ITSN2: variants seen among roughly 807,000 people sequenced by gnomAD.
ITSN2 encodes intersectin 2, also known as intersectin-2.
In ITSN2, 156 loss-of-function variants were observed where a neutral mutation model predicts 243.7. That is an observed-to-expected ratio of 0.64 (90% CI 0.56 to 0.73). ITSN2 has a LOEUF of 0.73. Among genes scored for constraint, ITSN2 ranks in the 30% least tolerant of loss-of-function variants. The pLI is 0.00. For synonymous variants in ITSN2, 703 were observed against 699.9 expected, an observed-to-expected ratio of 1.00 and a Z score of -0.07; for missense variants, 1,801 against 1,996.1, an observed-to-expected ratio of 0.90 and a Z score of 1.86.
At chr2:24,220,639 C>A in intron 30 of ITSN2, 1 of 1,239,376 alleles carries the variant, frequency 8.1e-7, no homozygotes, top group Non-Finnish European at 1.0e-6. Flanking sequence ...TATCCCCGTC[C>A]TTCCTTGATG....
rs533095403 is a variant in ITSN2 at position 24,264,444 on chromosome 2, G to A, written c.2356-2702C>T. 4.0e-5 allele frequency among the ~76,000 whole-genome samples: 6 copies of A among 150,862 alleles called. No individual in the cohort carries two copies. In the East Asian group the frequency reaches 1.2e-3, roughly 29 times the overall value. On this transcript the variant is annotated intron_variant, in intron 20 of 39. Coordinates refer to ENST00000355123, the MANE Select transcript of ITSN2 (RefSeq NM_006277.3). Reference sequence around the variant, plus strand: ...CTATTTATTAGATTGTCATAGCTAAGAAACTGAAAAACTTTGAGTAACCCG... The same window carrying A: ...CTATTTATTAGATTGTCATAGCTAAAAAACTGAAAAACTTTGAGTAACCCG...
intron 2 of ITSN2, among the ~76,000 whole-genome samples, chr2:24,327,430 C>A (rs1685277969): frequency 6.6e-6 from 1 of 151,906 alleles, no homozygotes; most frequent in South Asian, 2.1e-4. Flanking sequence ...TCCCAAGCAG[C>A]TGGGATTACA....
At position 24,261,200 on chromosome 2, in the gene ITSN2, G is replaced by T. The variant is rs1203366307; in HGVS notation, c.2588C>A (p.Ser863Tyr). The change falls in exon 22 of 40, where the codon TCT (serine) becomes TAT (tyrosine). Residue 863 changes from serine (S) to tyrosine (Y), a missense_variant. Physicochemically the swap from Ser to Tyr is moderately radical, Grantham distance 144. Coordinates refer to ENST00000355123, the MANE Select transcript of ITSN2 (RefSeq NM_006277.3). ...TGTATTTACAGTTAGGTTTGAAAAAGATACATTTTGATAATCAGTCACTGA... is the reference window on the plus strand; with the variant it reads ...TGTATTTACAGTTAGGTTTGAAAAATATACATTTTGATAATCAGTCACTGA... ...PASVTDYQNV[S>Y]FSNLTVNTSW... 3 of 1,612,600 alleles carry T rather than the reference G, an allele frequency of 1.9e-6. No individual in the cohort carries two copies. The East Asian group carries it at 6.7e-5, about 36-fold the overall frequency.
intron 16 of ITSN2, among the ~76,000 whole-genome samples, 157 bp from the exon 17 acceptor site, chr2:24,285,000 G>A (rs945020900): frequency 6.4e-5 from 9 of 141,142 alleles, no homozygotes; most frequent in African/African-American, 2.1e-4. Flanking sequence ...GGGTTCAAGC[G>A]ATTCTCCTGC....
At chr2:24,268,750 C>A (rs1175947473) in intron 20 of ITSN2, among the ~76,000 whole-genome samples, 1 of 150,914 alleles carries the variant, frequency 6.6e-6, no homozygotes, top group Non-Finnish European at 1.5e-5. Flanking sequence ...CAAGCTTCAG[C>A]CAACTTTAAA....
At chr2:24,276,721 C>T (rs1221422121) in intron 17 of ITSN2, among the ~76,000 whole-genome samples, 2 of 152,214 alleles carry the variant, frequency 1.3e-5, no homozygotes, top group African/African-American at 2.4e-5. Flanking sequence ...CAATTGTTTA[C>T]TCCTGACCTA....
intron 1 of ITSN2, among the ~76,000 whole-genome samples, chr2:24,359,540 A>C (rs1688758540): frequency 6.6e-6 from 1 of 152,228 alleles, no homozygotes; most frequent in Non-Finnish European, 1.5e-5. Context: ...CATAATTAAT[A>C]AATCCAAACG....
At chr2:24,229,688 C>T (rs551511959) in intron 29 of ITSN2, among the ~76,000 whole-genome samples, 8 of 152,296 alleles carry the variant, frequency 5.3e-5, no homozygotes, top group Non-Finnish European at 1.2e-4. Context: ...GAAAATTATA[C>T]ATTTAACATT....
At chr2:24,351,276 C>A (rs779248822) in intron 1 of ITSN2, among the ~76,000 whole-genome samples, 2 of 152,320 alleles carry the variant, frequency 1.3e-5, no homozygotes, top group Non-Finnish European at 2.9e-5. Context: ...TTTGTTTTCA[C>A]GCCTGCCCCG....
In ITSN2 at chr2:24,286,113, G is replaced by A; in HGVS notation, c.1863+99C>T. ...AAATTATAAAATAAATTATGAAAAT[G>A]TAATACATATAATAGCTTTAGCTAT... On this transcript the variant is annotated intron_variant, in intron 16 of 39. Transcript: ENST00000355123. 6.0e-6 allele frequency: 4 copies of A among 664,000 alleles called. No individual in the cohort carries two copies. The South Asian group carries it at 9.2e-5, about 15-fold the overall frequency. The allele number at this position is 664,000 out of a possible 1,614,324, so 41.1% of individuals were successfully genotyped here. A position where few individuals can be genotyped will look rare whatever the true frequency, so the allele number is the denominator to read the frequency against.
At position 24,211,324 on chromosome 2, in the gene ITSN2, C is replaced by T. The variant is rs1283570960; in HGVS notation, c.4090-377G>A. 6.6e-6 allele frequency among the ~76,000 whole-genome samples: 1 copy of T among 152,196 alleles called. No homozygotes were observed. The highest frequency in any genetic ancestry group is 1.5e-5 in the Non-Finnish European group (1 of 68,046). On this transcript the variant is annotated intron_variant, in intron 33 of 39. Coordinates refer to ENST00000355123, the MANE Select transcript of ITSN2 (RefSeq NM_006277.3). The surrounding 1 kb of genome is among the most constrained non-coding windows in gnomAD (Gnocchi z 4.1). Reference sequence around the variant, plus strand: ...TGGCTGCAGCTGTGGTAAGTGTGAACTTGCTGAATAGCAATGGTTCATAAC... The same window carrying T: ...TGGCTGCAGCTGTGGTAAGTGTGAATTTGCTGAATAGCAATGGTTCATAAC...
chr2:24,337,887 T>G (rs891305926), intron 1 of ITSN2, among the ~76,000 whole-genome samples: 4 of 152,130 alleles, frequency 2.6e-5, no homozygotes, highest in East Asian at 1.9e-4. Context: ...TACTTGCTGA[T>G]CAGTTGAGAA....
intron 20 of ITSN2, among the ~76,000 whole-genome samples, chr2:24,268,835 CTCAT>C (rs1376865359): frequency 6.6e-6 from 1 of 151,760 alleles, no homozygotes; most frequent in Non-Finnish European, 1.5e-5. Context: ...CAAAGCCAAG[CTCAT>C]TCAAAGAGTT....
chr2:24,266,358 T>G (rs1021499336), intron 20 of ITSN2, among the ~76,000 whole-genome samples: 1 of 152,224 alleles, frequency 6.6e-6, no homozygotes, highest in Non-Finnish European at 1.5e-5. Context: ...CTAAATTTGA[T>G]TAACAATAGA....
intron 23 of ITSN2, among the ~76,000 whole-genome samples, chr2:24,256,859 G>A (rs1675114887): frequency 6.6e-6 from 1 of 152,194 alleles, no homozygotes; most frequent in South Asian, 2.1e-4. Flanking sequence ...TAAGCAATAA[G>A]AGAAGTTATA....
chr2:24,330,635 C>T (rs145643957), intron 1 of ITSN2: 106 of 749,218 alleles, frequency 1.4e-4, no homozygotes, highest in African/African-American at 1.1e-3. Flanking sequence ...CTAAAACAGA[C>T]GGGGCACAGA....
Position 24,301,157 on chromosome 2 carries a change from G to C in ITSN2, c.1078C>G (p.Pro360Ala). The C allele has an allele frequency of 6.3e-7, 1 of 1,578,840 alleles. No individual in the cohort carries two copies. The highest frequency in any genetic ancestry group is 8.7e-7 in the Non-Finnish European group (1 of 1,150,970). ...CAACTTTGACACTCAGTGATACCTG[G>C]TAATTTCTTCTGAGGCTCCTCTTCT... ...MQEEEPQKKL[P>A]VTFEDKRKAN... Residue 360 changes from proline (P) to alanine (A), a missense_variant, in exon 11 of 40, where the codon CCA becomes GCA. Around this residue, in one of 5 missense-constraint regions of ITSN2, gnomAD observed 787 missense variants for 803.9 expected, o/e 0.98. Coordinates refer to ENST00000355123, the MANE Select transcript of ITSN2 (RefSeq NM_006277.3).
chr2:24,297,794 G>A (rs542329290), intron 13 of ITSN2, among the ~76,000 whole-genome samples: 83 of 152,280 alleles, frequency 5.5e-4, no homozygotes, highest in Admixed American at 6.5e-4. Context: ...GAGGCACAGA[G>A]AAGGGAAATG....
chr2:24,309,040 C>A, intron 7 of ITSN2: 1 of 305,706 alleles, frequency 3.3e-6, no homozygotes. Flanking sequence ...TTGGATGCTC[C>A]CTTTGAGAAT....
Sources: gnomAD v4.1 joint callset for allele counts (sites outside exome capture counted in the v4.1 genomes callset) on GRCh38, gnomAD v4.1.1 for gene constraint, gnomAD v4.1.1 regional missense constraint, Gnocchi (gnomAD v3.1) non-coding constraint, MANE v1.5 for transcripts, NCBI Gene and HGNC (gene_info 2026-07-23, HGNC 2026-07-21) for gene names.